The following IRF4 variants were observed in gnomAD, a reference collection of about 807,000 sequenced individuals.
IRF4 encodes interferon regulatory factor 4.
A neutral mutation model predicts 55.5 loss-of-function variants in IRF4; 13 were observed. That is an observed-to-expected ratio of 0.23 (90% CI 0.15 to 0.37). The LOEUF (loss-of-function observed/expected upper bound fraction) is 0.37, where lower values mean the gene tolerates loss of function less well. Among genes scored for constraint, IRF4 ranks in the 10% least tolerant of loss-of-function variants. The pLI, the probability that IRF4 is intolerant of heterozygous loss-of-function variation, is 1.00. For synonymous variants in IRF4, 249 were observed against 240.7 expected (o/e 1.03, Z -0.32); for missense variants, 397 against 593.8 (o/e 0.67, Z 3.44).
intron 2 of IRF4, among the ~76,000 whole-genome samples, chr6:394,370 T>C (rs1313070058): frequency 1.3e-5 from 2 of 152,234 alleles, no homozygotes; most frequent in Non-Finnish European, 2.9e-5. Context: ...TCCTAGAGCA[T>C]AGCTGGGGTC....
intron 6 of IRF4, among the ~76,000 whole-genome samples, chr6:400,806 A>G (rs1050604814): frequency 2.2e-4 from 33 of 152,258 alleles, no homozygotes; most frequent in African/African-American, 7.7e-4. Context: ...ACACACACAC[A>G]CACACACACA....
rs961099724 is a variant in IRF4 at position 408,607 on chromosome 6, A to G, written c.*1009A>G. 2.2e-5 allele frequency: 5 copies of G among 229,642 alleles called. No individual in the cohort carries two copies. Among genetic ancestry groups the G allele is most frequent in the Non-Finnish European group, 2.6e-5 (3 of 115,754 alleles). The allele number at this position is 229,642 out of a possible 1,614,324, so 14.2% of individuals were successfully genotyped here. On this transcript the variant is annotated 3_prime_UTR_variant, in exon 9 of 9. Transcript: ENST00000380956. ...TAAAATTCTTCGCATAAAGAAGAAG[A>G]AATTAAGGAACATAAATCTTAATAC...
Position 407,743 on chromosome 6 carries a change from A to T in IRF4, c.*145A>T. 1 of 713,924 alleles carries T rather than the reference A, an allele frequency of 1.4e-6. No individual in the cohort carries two copies. Among genetic ancestry groups the T allele is most frequent in the Non-Finnish European group, 2.2e-6 (1 of 445,680 alleles). The allele number at this position is 713,924 out of a possible 1,614,324, so 44.2% of individuals were successfully genotyped here. ...GACCTCCGCCTCCTGGGTTCAAGAG[A>T]CTCTCCTGCCTCAGCCTCCCTGGTA... is the stretch of plus-strand genomic sequence containing the variant. On this transcript the variant is annotated 3_prime_UTR_variant, in exon 9 of 9. Coordinates refer to ENST00000380956, the MANE Select transcript of IRF4 (RefSeq NM_002460.4).
chr6:392,887 C>T (rs984778579), intron 1 of IRF4, among the ~76,000 whole-genome samples: 2 of 151,982 alleles, frequency 1.3e-5, no homozygotes, highest in African/African-American at 4.8e-5. Context: ...GGGCCGAGCT[C>T]GGAAGGCGGA....
intron 6 of IRF4, among the ~76,000 whole-genome samples, chr6:399,350 C>T (rs1219108034): frequency 6.6e-6 from 1 of 152,028 alleles, no homozygotes; most frequent in Non-Finnish European, 1.5e-5. Flanking sequence ...CAAATAAGTC[C>T]TCCTCCTCTA....
At chr6:398,741 C>G (rs1330059098) in intron 5 of IRF4, 87 bp from the exon 6 acceptor site, 1 of 907,756 alleles carries the variant, frequency 1.1e-6, no homozygotes, top group Admixed American at 2.4e-5. Context: ...CCCTTCCTTC[C>G]CAGGCTTCAC....
intron 7 of IRF4, among the ~76,000 whole-genome samples, chr6:402,192 G>A (rs952050497): frequency 3.3e-5 from 5 of 152,226 alleles, no homozygotes; most frequent in Non-Finnish European, 7.3e-5. Flanking sequence ...TGGCCCACGA[G>A]TGAGACGGAG....
At chr6:392,853 G>C (rs1388937170) in intron 1 of IRF4, among the ~76,000 whole-genome samples, 2 of 152,322 alleles carry the variant, frequency 1.3e-5, no homozygotes, top group Non-Finnish European at 2.9e-5. Flanking sequence ...TTACAGGAGA[G>C]CAGGCGGGTA....
chr6:393,007 C>T lies in IRF4; in HGVS notation c.-55-91C>T, dbSNP rs185609020. The T allele has an allele frequency of 1.4e-6, 1 of 734,282 alleles. No individual in the cohort carries two copies. Among genetic ancestry groups the T allele is most frequent in the Non-Finnish European group, 2.1e-6 (1 of 466,314 alleles). The allele number at this position is 734,282 out of a possible 1,614,324, so 45.5% of individuals were successfully genotyped here. A position where few individuals can be genotyped will look rare whatever the true frequency, so the allele number is the denominator to read the frequency against. On this transcript the variant is annotated intron_variant, in intron 1 of 8. Transcript: ENST00000380956. The surrounding 1 kb of genome is among the most constrained non-coding windows in gnomAD (Gnocchi z 5.4). ...CGCGCGCTTCGCAGCCTCAAAGACT[C>T]CGGGGCCTCGTGGTCACTGGCGCAG...
rs1026938759 is a variant in IRF4, at chr6:391,825, G to A, written c.-56+16G>A. 1 of 456,066 alleles carries A rather than the reference G, an allele frequency of 2.2e-6. No homozygotes were observed. The highest frequency in any genetic ancestry group is 3.4e-4 in the Middle Eastern group (1 of 2,908). 28.3% of individuals were successfully genotyped at this position (456,066 alleles called of 1,614,324 possible). On this transcript the variant is annotated intron_variant, in intron 1 of 8. Transcript: ENST00000380956. ...CCAGGGCGAGGTAAGGGCTGGAGTC[G>A]GGCAGGAGGAGGGGTGTGAGGCTGA...
chr6:404,355 A>C (rs1257438845), intron 7 of IRF4, among the ~76,000 whole-genome samples: 1 of 152,190 alleles, frequency 6.6e-6, no homozygotes, highest in Non-Finnish European at 1.5e-5. Flanking sequence ...GCGGGAGGCC[A>C]GGGGGGCTGC....
At chr6:402,675 C>T (rs565388173) in intron 7 of IRF4, among the ~76,000 whole-genome samples, 1 of 152,350 alleles carries the variant, frequency 6.6e-6, no homozygotes, top group South Asian at 2.1e-4. Context: ...GTGTAAGTGA[C>T]CCAAGTTTTT....
intron 4 of IRF4, 92 bp from the exon 5 acceptor site, chr6:397,016 G>C (rs1253188667): frequency 1.3e-5 from 18 of 1,395,476 alleles, no homozygotes; most frequent in Non-Finnish European, 1.5e-5. Flanking sequence ...CCGTCTCGAT[G>C]CCAGTGCTTC....
intron 8 of IRF4, 96 bp from the exon 9 acceptor site, chr6:407,359 C>A: frequency 8.4e-7 from 1 of 1,190,038 alleles, no homozygotes; most frequent in Non-Finnish European, 1.2e-6. Context: ...TAACTTTGGG[C>A]TTTACGTTAC....
chr6:397,347 C>A, intron 5 of IRF4, 95 bp downstream of exon 5: 1 of 1,434,396 alleles, frequency 7.0e-7, no homozygotes, highest in Non-Finnish European at 9.6e-7. Flanking sequence ...AGCACCAAAG[C>A]TCTTTCCCCT....
At chr6:405,525 A>G (rs776447010) in intron 8 of IRF4, among the ~76,000 whole-genome samples, 13 of 152,244 alleles carry the variant, frequency 8.5e-5, no homozygotes, top group African/African-American at 2.2e-4. Flanking sequence ...TCTTCATTCA[A>G]TGGAAAAGCT....
At chr6:406,396 G>T (rs979324571) in intron 8 of IRF4, among the ~76,000 whole-genome samples, 1 of 152,070 alleles carries the variant, frequency 6.6e-6, no homozygotes, top group African/African-American at 2.4e-5. Context: ...ACAAAAATTA[G>T]CCGGGCGTGG....
chr6:407,325 A>G, intron 8 of IRF4, 130 bp from the exon 9 acceptor site: 1 of 844,154 alleles, frequency 1.2e-6, no homozygotes. Flanking sequence ...CCAAATATGA[A>G]ATGTTTTGAT....
rs2127440089 is a variant in IRF4, at chr6:401,619, G to A, written c.941G>A (p.Gly314Asp). Residue 314 changes from glycine (G) to aspartate (D), a missense_variant, in exon 7 of 9, where the codon GGC (glycine) becomes GAC (aspartate). Physicochemically the swap from Gly to Asp is moderately conservative, Grantham distance 94. Transcript: ENST00000380956. ...AAGCTGCTGAGCCACCTGGAGAGGGGCGTGGTCCTCTGGATGGCCCCCGAC... is the reference window on the plus strand; with the variant it reads ...AAGCTGCTGAGCCACCTGGAGAGGGACGTGGTCCTCTGGATGGCCCCCGAC... Reference protein sequence around the residue: ...IEKLLSHLERGVVLWMAPDGL... With the variant: ...IEKLLSHLERDVVLWMAPDGL... The A allele has an allele frequency of 6.2e-7, 1 of 1,614,196 alleles. No individual in the cohort carries two copies. The highest frequency in any genetic ancestry group is 8.5e-7 in the Non-Finnish European group (1 of 1,180,034).
Sources: allele counts gnomAD v4.1 joint callset (sites outside exome capture counted in the v4.1 genomes callset), GRCh38; gene constraint gnomAD v4.1.1; non-coding constraint Gnocchi (gnomAD v3.1); transcripts MANE v1.5; gene names NCBI Gene and HGNC (gene_info 2026-07-23, HGNC 2026-07-21).